The following FHIT variants were observed in gnomAD, a reference collection of about 807,000 sequenced individuals.
FHIT encodes fragile histidine triad diadenosine triphosphatase, also known as bis(5'-adenosyl)-triphosphatase.
FHIT carries 19 observed loss-of-function variants against 17.9 expected under a neutral mutation model. The ratio of observed to expected loss-of-function variants is 1.06; its 90% CI spans 0.74 to 1.56. The LOEUF (loss-of-function observed/expected upper bound fraction) is 1.56, where lower values mean the gene tolerates loss of function less well. Among genes scored for constraint, FHIT ranks in the 40% most tolerant of loss-of-function variants. The pLI is 0.00. For missense variants in FHIT, 248 were observed against 189.2 expected (o/e 1.31, Z -1.82); for synonymous variants, 81 against 69.7 (o/e 1.16, Z -0.81).
At chr3:60,055,422 C>A (rs1360311817) in intron 5 of FHIT, among the ~76,000 whole-genome samples, 1 of 150,986 alleles carries the variant, frequency 6.6e-6, no homozygotes, top group Non-Finnish European at 1.5e-5. Flanking sequence ...GAGATGCCAA[C>A]TGACAAATGT....
intron 5 of FHIT, among the ~76,000 whole-genome samples, chr3:60,144,507 G>A (rs969123580): frequency 6.6e-5 from 10 of 152,166 alleles, no homozygotes; most frequent in Non-Finnish European, 1.3e-4. Flanking sequence ...GGGGCTCTCA[G>A]GCAAAATTAG....
rs143710993 is a variant in FHIT at position 61,064,861 on chromosome 3, A to T, written c.-163-22762T>A. On this transcript the variant is annotated intron_variant, in intron 2 of 9. Coordinates refer to ENST00000492590, the MANE Select transcript of FHIT (RefSeq NM_002012.4). ...ACTCCCCAAAGGAGAGTCTTTACCC[A>T]CAACTGATATGCATGTGCCCAAGTC... Among the ~76,000 whole-genome samples the T allele has an allele frequency of 1.3e-4, 20 of 152,244 alleles. No individual in the cohort carries two copies. The East Asian group carries it at 1.4e-3, about 10-fold the overall frequency.
chr3:60,303,952 A>G (rs1708555818), intron 5 of FHIT, among the ~76,000 whole-genome samples: 1 of 152,128 alleles, frequency 6.6e-6, no homozygotes, highest in East Asian at 1.9e-4. Flanking sequence ...CACCCACAAC[A>G]TCATGATGCA....
intron 4 of FHIT, among the ~76,000 whole-genome samples, chr3:60,782,953 T>C (rs9854360): frequency 0.47 from 71,478 of 151,874 alleles, 18,072 homozygotes; most frequent in African/African-American, 0.62. Flanking sequence ...CCTCAAAGGC[T>C]CCACCTCCTA....
At chr3:59,790,773 G>A (rs1697899294) in intron 8 of FHIT, among the ~76,000 whole-genome samples, 1 of 152,086 alleles carries the variant, frequency 6.6e-6, no homozygotes, top group East Asian at 1.9e-4. Context: ...ATCTATGAGA[G>A]CCAAATCACT....
chr3:60,672,872 A>AGTGTGT (rs1227711388), intron 4 of FHIT, among the ~76,000 whole-genome samples: 1 of 10,580 alleles, frequency 9.5e-5, no homozygotes, highest in African/African-American at 3.0e-4. Context: ...ACCTCTTTGT[A>AGTGTGT]GCGTGTGTGT....
intron 5 of FHIT, among the ~76,000 whole-genome samples, chr3:60,179,651 G>C (rs747941883): frequency 2.0e-5 from 3 of 151,768 alleles, no homozygotes; most frequent in Non-Finnish European, 4.4e-5. Flanking sequence ...TCAAATATTA[G>C]GTTATAATAC....
At chr3:60,462,267 T>G (rs1365910344) in intron 5 of FHIT, among the ~76,000 whole-genome samples, 2 of 152,070 alleles carry the variant, frequency 1.3e-5, no homozygotes, top group Non-Finnish European at 2.9e-5. Context: ...CACCACACCT[T>G]TAAGAATGAG....
At chr3:60,927,566 C>G (rs1575703850) in intron 3 of FHIT, among the ~76,000 whole-genome samples, 1 of 150,908 alleles carries the variant, frequency 6.6e-6, no homozygotes, top group African/African-American at 2.4e-5. Context: ...CGCCCATCAT[C>G]TGGGATGTGG....
At position 59,910,932 on chromosome 3, in the gene FHIT, T is replaced by C. The variant is rs1025748643; in HGVS notation, c.348+11414A>G. 2.0e-5 allele frequency among the ~76,000 whole-genome samples: 3 copies of C among 152,216 alleles called. No homozygotes were observed. The South Asian group carries it at 6.2e-4, about 31-fold the overall frequency. Reference sequence around the variant, plus strand: ...TTGAAAACATTGTTTTGCAGACTTGTAGCCCAGAAAAATTAGAATTCATTC... The same window carrying C: ...TTGAAAACATTGTTTTGCAGACTTGCAGCCCAGAAAAATTAGAATTCATTC... On this transcript the variant is annotated intron_variant, in intron 8 of 9. Transcript: ENST00000492590.
chr3:60,223,986 T>C (rs928781832), intron 5 of FHIT, among the ~76,000 whole-genome samples: 3 of 152,178 alleles, frequency 2.0e-5, no homozygotes, highest in African/African-American at 4.8e-5. Context: ...AACTGAACTC[T>C]AGTAGCTTTG....
intron 2 of FHIT, among the ~76,000 whole-genome samples, chr3:61,057,668 G>A (rs2106682104): frequency 6.6e-6 from 1 of 152,350 alleles, no homozygotes; most frequent in Admixed American, 6.5e-5. Flanking sequence ...AACATTAAAT[G>A]TGGAAAGTAT....
At chr3:60,369,708 C>A (rs987724409) in intron 5 of FHIT, among the ~76,000 whole-genome samples, 20 of 152,236 alleles carry the variant, frequency 1.3e-4, no homozygotes, top group African/African-American at 4.3e-4. Context: ...GGCTGTTAAG[C>A]AAGACCTTCT....
At chr3:60,007,557 TC>T (rs2106659714) in intron 7 of FHIT, among the ~76,000 whole-genome samples, 1 of 152,328 alleles carries the variant, frequency 6.6e-6, no homozygotes, top group South Asian at 2.1e-4. Flanking sequence ...CTGTGTCATT[TC>T]CTTACCCATT....
intron 2 of FHIT, among the ~76,000 whole-genome samples, chr3:61,053,055 T>G (rs1264416896): frequency 5.9e-5 from 9 of 152,042 alleles, no homozygotes; most frequent in African/African-American, 1.9e-4. Context: ...AAGGGAACAA[T>G]GAATAATAAT....
At chr3:60,377,724 A>T (rs1261339086) in intron 5 of FHIT, among the ~76,000 whole-genome samples, 4 of 133,454 alleles carry the variant, frequency 3.0e-5, no homozygotes, top group East Asian at 2.4e-4. Flanking sequence ...CTCGTGATCC[A>T]CCCGCCTCGG....
chr3:60,663,047 T>C (rs2040295824), intron 4 of FHIT, among the ~76,000 whole-genome samples: 1 of 150,882 alleles, frequency 6.6e-6, no homozygotes, highest in Admixed American at 6.6e-5. Context: ...AGCCTATTTA[T>C]GGAAGTCTAT....
chr3:60,974,646 A>G (rs571032052), intron 3 of FHIT, among the ~76,000 whole-genome samples: 76 of 152,318 alleles, frequency 5.0e-4, no homozygotes, highest in Non-Finnish European at 1.6e-4. Context: ...ATACCAAAAA[A>G]GTGTGTAGCA....
intron 8 of FHIT, among the ~76,000 whole-genome samples, chr3:59,766,022 A>G (rs953089799): frequency 1.3e-5 from 2 of 152,198 alleles, no homozygotes; most frequent in African/African-American, 4.8e-5. Flanking sequence ...GCCTAAAACT[A>G]TATGAAAAGT....
Sources: gnomAD v4.1 joint callset for allele counts (sites outside exome capture counted in the v4.1 genomes callset) on GRCh38, gnomAD v4.1.1 for gene constraint, MANE v1.5 for transcripts, NCBI Gene and HGNC (gene_info 2026-07-23, HGNC 2026-07-21) for gene names.